The following GRIP1 variants were observed in gnomAD, a reference collection of about 807,000 sequenced individuals.
GRIP1 encodes the protein glutamate receptor interacting protein 1.
Under a neutral mutation model 129.9 loss-of-function variants are expected in GRIP1, and 45 were observed. The observed-to-expected ratio is 0.35, with a 90% CI of 0.27 to 0.44. The LOEUF is 0.44. Ranked by LOEUF, GRIP1 falls within the 20% of genes least tolerant of loss-of-function variation. The pLI is 1.00. For synonymous variants in GRIP1, 530 were observed against 520.8 expected (o/e 1.02, Z -0.24); for missense variants, 1,196 against 1,396.8 (o/e 0.86, Z 2.29).
At chr12:66,846,667 T>C (rs1438813869) in intron 1 of GRIP1, among the ~76,000 whole-genome samples, 1 of 152,202 alleles carries the variant, frequency 6.6e-6, no homozygotes, top group Non-Finnish European at 1.5e-5. Flanking sequence ...AATCATCCAA[T>C]AGTATACATT....
chr12:66,685,397 G>A (rs1207860573), intron 1 of GRIP1, among the ~76,000 whole-genome samples: 1 of 152,012 alleles, frequency 6.6e-6, no homozygotes, highest in South Asian at 2.1e-4. Flanking sequence ...TCATACAGCT[G>A]AGTTATGTCA....
chr12:66,974,821 C>T (rs1238630947), intron 1 of GRIP1, among the ~76,000 whole-genome samples: 1 of 152,194 alleles, frequency 6.6e-6, no homozygotes, highest in Non-Finnish European at 1.5e-5. Context: ...CAGGGTCCCT[C>T]ATTTCCTAAA....
chr12:66,908,205 CA>C (rs2040967302), intron 1 of GRIP1, among the ~76,000 whole-genome samples: 1 of 152,094 alleles, frequency 6.6e-6, no homozygotes, highest in Non-Finnish European at 1.5e-5. Flanking sequence ...CATTCCATCT[CA>C]AAACCAACAA....
At chr12:66,904,710 G>C (rs2040900166) in intron 1 of GRIP1, among the ~76,000 whole-genome samples, 1 of 152,094 alleles carries the variant, frequency 6.6e-6, no homozygotes, top group Non-Finnish European at 1.5e-5. Context: ...GGCCAACGTG[G>C]TGAAACCTCA....
intron 13 of GRIP1, 105 bp downstream of exon 13, chr12:66,444,479 C>T (rs1190632760): frequency 5.4e-6 from 5 of 930,862 alleles, no homozygotes; most frequent in African/African-American, 2.3e-5. Context: ...GGCGACAGAG[C>T]GAGACTCCGT....
intron 14 of GRIP1, among the ~76,000 whole-genome samples, chr12:66,422,931 C>G (rs533409845): frequency 6.6e-6 from 1 of 152,166 alleles, no homozygotes. Flanking sequence ...TATGCATGGT[C>G]CGGGGGCCCA....
At chr12:67,012,820 T>A (rs1364540659) in intron 1 of GRIP1, among the ~76,000 whole-genome samples, 1 of 152,186 alleles carries the variant, frequency 6.6e-6, no homozygotes, top group African/African-American at 2.4e-5. Context: ...TGTTTAGGAC[T>A]GAGAGATAAA....
intron 7 of GRIP1, among the ~76,000 whole-genome samples, chr12:66,477,901 G>T (rs2059671286): frequency 6.6e-6 from 1 of 152,138 alleles, no homozygotes; most frequent in Non-Finnish European, 1.5e-5. Context: ...AGACTTAAAT[G>T]TTAGACCTAA....
intron 1 of GRIP1, among the ~76,000 whole-genome samples, chr12:66,627,476 A>G (rs2030221235): frequency 6.6e-6 from 1 of 152,214 alleles, no homozygotes; most frequent in African/African-American, 2.4e-5. Context: ...GTCAAAGCTG[A>G]CTGTAGCAGT....
intron 1 of GRIP1, among the ~76,000 whole-genome samples, chr12:66,988,629 G>A (rs974511945): frequency 6.6e-6 from 1 of 152,002 alleles, no homozygotes; most frequent in African/African-American, 2.4e-5. Flanking sequence ...TCCCCGTCTC[G>A]GCCTCCCAAA....
intron 1 of GRIP1, among the ~76,000 whole-genome samples, chr12:66,922,251 C>T (rs1307956735): frequency 6.6e-6 from 1 of 152,146 alleles, no homozygotes; most frequent in East Asian, 1.9e-4. Flanking sequence ...ACATCAGTAA[C>T]CCCCAAAGCA....
chr12:66,651,521 T>G (rs2136143867), intron 1 of GRIP1, among the ~76,000 whole-genome samples: 1 of 152,212 alleles, frequency 6.6e-6, no homozygotes, highest in East Asian at 1.9e-4. Context: ...TGTTGTTCTT[T>G]TAACGTGGAT....
intron 1 of GRIP1, among the ~76,000 whole-genome samples, chr12:66,963,334 T>A (rs2041950535): frequency 6.6e-6 from 1 of 151,866 alleles, no homozygotes; most frequent in Non-Finnish European, 1.5e-5. Context: ...TAAATAAAAA[T>A]AATGAAAGTT....
chr12:66,673,458 G>T (rs966540276), intron 1 of GRIP1, among the ~76,000 whole-genome samples: 2 of 151,988 alleles, frequency 1.3e-5, no homozygotes, highest in Non-Finnish European at 2.9e-5. Context: ...ATATAAGAAG[G>T]GTGTAGACTC....
At chr12:66,924,949 G>T in intron 1 of GRIP1, among the ~76,000 whole-genome samples, 1 of 152,270 alleles carries the variant, frequency 6.6e-6, no homozygotes, top group Middle Eastern at 3.4e-3. Flanking sequence ...TAGCCTGGGC[G>T]ACAGAGCGAG....
intron 1 of GRIP1, among the ~76,000 whole-genome samples, chr12:66,895,557 A>T (rs536477762): frequency 1.7e-3 from 260 of 152,172 alleles, no homozygotes; most frequent in African/African-American, 6.0e-3. Flanking sequence ...GTCTGGATCC[A>T]TTCTCTCCCC....
intron 1 of GRIP1, among the ~76,000 whole-genome samples, chr12:66,745,202 T>TGGCTCACGCC: frequency 6.6e-6 from 1 of 152,212 alleles, no homozygotes; most frequent in East Asian, 1.9e-4. Context: ...GACTGCAGTT[T>TGGCTCACGCC]TGCAGAATCA....
intron 9 of GRIP1, among the ~76,000 whole-genome samples, chr12:66,459,585 C>A (rs972695882): frequency 1.3e-5 from 2 of 152,200 alleles, no homozygotes; most frequent in African/African-American, 4.8e-5. Context: ...CTATTGCTTT[C>A]TCAGACTGTG....
intron 1 of GRIP1, among the ~76,000 whole-genome samples, chr12:66,696,620 AAAAAAAC>A (rs950010102): frequency 1.7e-4 from 26 of 151,856 alleles, no homozygotes; most frequent in South Asian, 4.2e-4. Context: ...GTCTCTACTA[AAAAAAAC>A]AAAAAACAAA....
Sources: allele counts gnomAD v4.1 joint callset (sites outside exome capture counted in the v4.1 genomes callset), GRCh38; gene constraint gnomAD v4.1.1; transcripts MANE v1.5; gene names NCBI Gene and HGNC (gene_info 2026-07-23, HGNC 2026-07-21).